The following FBXL7 variants were observed in gnomAD, a reference collection of about 807,000 sequenced individuals.
FBXL7 encodes the protein F-box/LRR-repeat protein 7.
FBXL7 carries 12 observed loss-of-function variants against 38.3 expected under a neutral mutation model. The ratio of observed to expected loss-of-function variants is 0.31; its 90% CI spans 0.20 to 0.51. FBXL7 has a LOEUF of 0.51. Ranked by LOEUF, FBXL7 falls within the 20% of genes least tolerant of loss-of-function variation. The pLI is 0.98. For missense variants in FBXL7, 567 were observed against 676.4 expected (o/e 0.84, Z 1.79); for synonymous variants, 297 against 300.9 (o/e 0.99, Z 0.13).
intron 2 of FBXL7, among the ~76,000 whole-genome samples, chr5:15,642,885 G>C (rs1353939537): frequency 6.6e-6 from 1 of 152,172 alleles, no homozygotes; most frequent in African/African-American, 2.4e-5. Flanking sequence ...AAAATGAACT[G>C]TTGGATCTCT....
chr5:15,843,445 A>G (rs1334611268), intron 2 of FBXL7, among the ~76,000 whole-genome samples: 1 of 152,168 alleles, frequency 6.6e-6, no homozygotes, highest in Admixed American at 6.5e-5. Context: ...GAATTTAGTA[A>G]ATATTCGAAT....
chr5:15,803,150 G>A (rs1033380948), intron 2 of FBXL7, among the ~76,000 whole-genome samples: 12 of 152,032 alleles, frequency 7.9e-5, no homozygotes, highest in African/African-American at 2.9e-4. Context: ...CACCTGATTT[G>A]GAAATCAGCT....
chr5:15,763,667 ATTCTG>A (rs1185560203), intron 2 of FBXL7, among the ~76,000 whole-genome samples: 2 of 152,226 alleles, frequency 1.3e-5, no homozygotes, highest in Non-Finnish European at 2.9e-5. Context: ...ATAGGTTTCT[ATTCTG>A]AGGAAGGTAT....
chr5:15,856,150 C>A (rs1453504943), intron 2 of FBXL7, among the ~76,000 whole-genome samples: 3 of 152,012 alleles, frequency 2.0e-5, no homozygotes, highest in Non-Finnish European at 2.9e-5. Context: ...GCACTTCTTA[C>A]ATGGTGGTGG....
At chr5:15,796,478 G>GA (rs35098278) in intron 2 of FBXL7, among the ~76,000 whole-genome samples, 63 of 149,754 alleles carry the variant, frequency 4.2e-4, no homozygotes, top group East Asian at 3.3e-3. Context: ...TCTTGTTACA[G>GA]AAAAAAAAAA....
chr5:15,743,008 T>C (rs1033971442), intron 2 of FBXL7, among the ~76,000 whole-genome samples: 4 of 152,136 alleles, frequency 2.6e-5, no homozygotes, highest in Non-Finnish European at 4.4e-5. Flanking sequence ...CATGATTCAG[T>C]TACCTCCCAC....
intron 2 of FBXL7, among the ~76,000 whole-genome samples, chr5:15,781,104 T>C (rs774819595): frequency 2.5e-4 from 38 of 152,156 alleles, no homozygotes; most frequent in Non-Finnish European, 4.6e-4. Flanking sequence ...GGTACCACAA[T>C]GGTCCCGTTT....
chr5:15,849,444 A>C (rs184692397), intron 2 of FBXL7, among the ~76,000 whole-genome samples: 27 of 152,294 alleles, frequency 1.8e-4, no homozygotes, highest in African/African-American at 6.5e-4. Context: ...GAGGGACTTG[A>C]TAGGAGATAA....
intron 2 of FBXL7, among the ~76,000 whole-genome samples, chr5:15,815,207 A>G (rs1042149477): frequency 3.9e-5 from 6 of 152,128 alleles, no homozygotes; most frequent in African/African-American, 1.4e-4. Context: ...ATTTGATAAT[A>G]TTTTTTGCAG....
At chr5:15,661,138 T>C (rs1379953883) in intron 2 of FBXL7, among the ~76,000 whole-genome samples, 1 of 152,194 alleles carries the variant, frequency 6.6e-6, no homozygotes, top group Non-Finnish European at 1.5e-5. Context: ...GAGAAAGTCA[T>C]TCATTTATTT....
At chr5:15,885,306 TGAGA>T (rs1424329887) in intron 2 of FBXL7, among the ~76,000 whole-genome samples, 3 of 152,180 alleles carry the variant, frequency 2.0e-5, no homozygotes, top group South Asian at 2.1e-4. Context: ...AGTGAGCAAG[TGAGA>T]GGGCGAGAGA....
At chr5:15,733,797 T>G (rs1160733066) in intron 2 of FBXL7, among the ~76,000 whole-genome samples, 1 of 152,180 alleles carries the variant, frequency 6.6e-6, no homozygotes, top group Non-Finnish European at 1.5e-5. Flanking sequence ...TTAACAATAG[T>G]TTTATTTTCC....
At position 15,542,187 on chromosome 5, in the gene FBXL7, GTTTT is replaced by G. The variant is rs200102721; in HGVS notation, c.37+41481_37+41484del. ...TTTATACCGTGATGTGTCACTGAAA[GTTTT>G]TTTTTTAAATACCAATTCATTTAAA... On this transcript the variant is annotated intron_variant, in intron 1 of 3. Transcript: ENST00000504595. Among the ~76,000 whole-genome samples, 116 of 149,398 alleles carry G rather than the reference GTTTT, an allele frequency of 7.8e-4. 1 individual carries two copies. Among genetic ancestry groups the G allele is most frequent in the African/African-American group, 2.7e-3 (111 of 40,848 alleles).
At chr5:15,929,625 G>GAAAAAAAAAAAAAA (rs60269538) in intron 3 of FBXL7, among the ~76,000 whole-genome samples, 1 of 113,520 alleles carries the variant, frequency 8.8e-6, no homozygotes, top group African/African-American at 2.9e-5. Flanking sequence ...CCCTGTCTCT[G>GAAAAAAAAAAAAAA]AAAAAAAAAA....
intron 2 of FBXL7, among the ~76,000 whole-genome samples, chr5:15,791,410 G>C (rs781281033): frequency 1.3e-5 from 2 of 152,060 alleles, no homozygotes; most frequent in African/African-American, 2.4e-5. Flanking sequence ...TCCACTGTAC[G>C]GCAGCTACAT....
chr5:15,665,381 C>T (rs183788408), intron 2 of FBXL7, among the ~76,000 whole-genome samples: 1 of 152,260 alleles, frequency 6.6e-6, no homozygotes, highest in East Asian at 1.9e-4. Context: ...TTTCTCTCTA[C>T]CTATCTATAC....
chr5:15,769,399 AT>A (rs1302972796), intron 2 of FBXL7, among the ~76,000 whole-genome samples: 25 of 152,324 alleles, frequency 1.6e-4, no homozygotes, highest in Admixed American at 1.4e-3. Context: ...ATTACCCAGG[AT>A]GAGATGGAGA....
At chr5:15,785,460 A>G (rs1449208449) in intron 2 of FBXL7, among the ~76,000 whole-genome samples, 1 of 152,152 alleles carries the variant, frequency 6.6e-6, no homozygotes, top group Non-Finnish European at 1.5e-5. Context: ...GGTGGTTATA[A>G]ACTCAGACAA....
At chr5:15,556,949 G>GT (rs1369792980) in intron 1 of FBXL7, among the ~76,000 whole-genome samples, 2 of 151,998 alleles carry the variant, frequency 1.3e-5, no homozygotes, top group Non-Finnish European at 1.5e-5. Flanking sequence ...CCAGATTGTG[G>GT]TTTTTTTTGA....
Sources: gnomAD v4.1 joint callset for allele counts (sites outside exome capture counted in the v4.1 genomes callset) on GRCh38, gnomAD v4.1.1 for gene constraint, MANE v1.5 for transcripts, NCBI Gene and HGNC (gene_info 2026-07-23, HGNC 2026-07-21) for gene names.